Variants in DOCK5 observed in about 807,000 individuals in gnomAD.
The protein encoded by DOCK5 is dedicator of cytokinesis protein 5.
Under a neutral mutation model 251.8 loss-of-function variants are expected in DOCK5, and 142 were observed. The ratio of observed to expected loss-of-function variants is 0.56; its 90% confidence interval spans 0.49 to 0.65. The LOEUF is 0.65. Ranked by LOEUF, DOCK5 falls within the 30% of genes least tolerant of loss-of-function variation. The pLI is 0.00. For missense variants in DOCK5, 2,111 were observed against 2,312.3 expected (o/e 0.91, Z 1.79); for synonymous variants, 842 against 835.5 (o/e 1.01, Z -0.13).
At chr8:25,243,494 C>A (rs1446733076) in intron 1 of DOCK5, among the ~76,000 whole-genome samples, 180 bp from the exon 2 acceptor site, 1 of 152,054 alleles carries the variant, frequency 6.6e-6, no homozygotes, top group African/African-American at 2.4e-5. Flanking sequence ...CTACGCCCAG[C>A]TGATTTTTGT....
chr8:25,319,587 CA>C lies in DOCK5; in HGVS notation c.1454del (p.His485ProfsTer15). 6.3e-7 allele frequency: 1 copy of C among 1,577,882 alleles called. No individual in the cohort carries two copies. The highest frequency in any genetic ancestry group is 8.6e-7 in the Non-Finnish European group (1 of 1,161,036). ...TTCCTTCCATCTGAAGAAAGCAATT[CA>C]CCCTGGTGCTGGATATGAAGGCATT... Reference protein sequence around the residue: ...EEGKLLEKAIHPGAGYEGISE... With the variant: ...EEGKLLEKAIXPGAGYEGISE... On this transcript the variant is annotated frameshift_variant, in exon 15 of 52. Transcript: ENST00000276440. LOFTEE classifies it high-confidence loss of function.
intron 3 of DOCK5, among the ~76,000 whole-genome samples, chr8:25,269,307 CAA>C (rs1200423556): frequency 1.3e-5 from 2 of 152,078 alleles, no homozygotes; most frequent in Admixed American, 6.6e-5. Context: ...ATTGGATAAA[CAA>C]GAGTGGTTTT....
chr8:25,246,307 C>T (rs1409269957), intron 2 of DOCK5, among the ~76,000 whole-genome samples: 1 of 152,094 alleles, frequency 6.6e-6, no homozygotes, highest in Non-Finnish European at 1.5e-5. Context: ...CAGAGTCTTG[C>T]TCTGTCGCCC....
chr8:25,248,730 C>A (rs1362363252), intron 2 of DOCK5, among the ~76,000 whole-genome samples: 1 of 152,162 alleles, frequency 6.6e-6, no homozygotes, highest in East Asian at 1.9e-4. Context: ...AAAGCCTGTT[C>A]CTCCTTCATC....
chr8:25,277,271 G>T, intron 4 of DOCK5: 1 of 153,268 alleles, frequency 6.5e-6, no homozygotes, highest in South Asian at 1.8e-4. Context: ...ATAGTTAAAT[G>T]AGAACAGTCT....
intron 28 of DOCK5, among the ~76,000 whole-genome samples, chr8:25,361,337 T>A (rs915562707): frequency 2.4e-4 from 37 of 152,190 alleles, no homozygotes; most frequent in Non-Finnish European, 7.3e-5. Flanking sequence ...AGGCCGGATG[T>A]GGTGACTCAT....
chr8:25,235,393 T>C (rs1802770457), intron 1 of DOCK5, among the ~76,000 whole-genome samples: 1 of 152,118 alleles, frequency 6.6e-6, no homozygotes, highest in Non-Finnish European at 1.5e-5. Context: ...CTCGGGTAGC[T>C]AGGACCATAG....
rs149602771 is a variant in DOCK5 at position 25,348,557 on chromosome 8, C to T, written c.2754+2946C>T. Among the ~76,000 whole-genome samples the T allele has an allele frequency of 1.1e-3, 171 of 152,178 alleles. 1 individual carries two copies. The highest frequency in any genetic ancestry group is 4.0e-3 in the African/African-American group (166 of 41,522). Reference sequence around the variant, plus strand: ...GTTATGCTTATTTAAATGTATGTCCCAGCTGGGTGCAGTGGCTCAGGCCTG... The same window carrying T: ...GTTATGCTTATTTAAATGTATGTCCTAGCTGGGTGCAGTGGCTCAGGCCTG... On this transcript the variant is annotated intron_variant, in intron 26 of 51. Transcript: ENST00000276440.
intron 1 of DOCK5, among the ~76,000 whole-genome samples, chr8:25,213,637 A>G (rs1444514721): frequency 6.6e-6 from 1 of 152,190 alleles, no homozygotes; most frequent in Non-Finnish European, 1.5e-5. Flanking sequence ...TCAGGGAGGA[A>G]TGAACTTTCT....
intron 18 of DOCK5, among the ~76,000 whole-genome samples, chr8:25,330,622 C>A (rs1259574305): frequency 6.6e-6 from 1 of 152,064 alleles, no homozygotes; most frequent in Non-Finnish European, 1.5e-5. Context: ...CTCTATGTGG[C>A]ATTGGAAGTT....
chr8:25,291,682 CA>C (rs5890216), intron 5 of DOCK5, among the ~76,000 whole-genome samples: 79 of 118,302 alleles, frequency 6.7e-4, no homozygotes, highest in African/African-American at 2.2e-3. Context: ...GACTCCGTCT[CA>C]AAAAAAAAAA....
At chr8:25,256,885 C>G (rs1803434354) in intron 2 of DOCK5, among the ~76,000 whole-genome samples, 1 of 149,614 alleles carries the variant, frequency 6.7e-6, no homozygotes, top group Non-Finnish European at 1.5e-5. Flanking sequence ...ATTGTTTCTT[C>G]TTGACTTTTT....
At chr8:25,205,868 T>C (rs1215496854) in intron 1 of DOCK5, among the ~76,000 whole-genome samples, 3 of 152,320 alleles carry the variant, frequency 2.0e-5, no homozygotes, top group South Asian at 2.1e-4. Context: ...GATAATGCCA[T>C]TGCACACTTA....
intron 3 of DOCK5, among the ~76,000 whole-genome samples, chr8:25,273,182 G>A (rs1442813395): frequency 6.6e-6 from 1 of 152,102 alleles, no homozygotes; most frequent in Non-Finnish European, 1.5e-5. Flanking sequence ...AGGCCCCAGA[G>A]GAATCACACG....
chr8:25,391,646 TAAATAAATAA>T (rs1307496376), intron 42 of DOCK5, among the ~76,000 whole-genome samples: 2 of 151,840 alleles, frequency 1.3e-5, no homozygotes, highest in Admixed American at 6.6e-5. Context: ...TCAAAGTAGA[TAAATAAATAA>T]AAATAAATAA....
At chr8:25,299,669 A>C (rs1269323716) in intron 8 of DOCK5, among the ~76,000 whole-genome samples, 1 of 152,176 alleles carries the variant, frequency 6.6e-6, no homozygotes, top group East Asian at 1.9e-4. Context: ...TTTTCAGCTC[A>C]ACTTTGCTGC....
intron 11 of DOCK5, 177 bp from the exon 12 acceptor site, chr8:25,308,606 G>A: frequency 1.3e-6 from 1 of 750,548 alleles, no homozygotes; most frequent in South Asian, 2.5e-5. Flanking sequence ...CATTTCCAAG[G>A]TGAATTTAGT....
At chr8:25,312,659 A>T (rs1447901234) in intron 13 of DOCK5, among the ~76,000 whole-genome samples, 1 of 150,410 alleles carries the variant, frequency 6.6e-6, no homozygotes, top group Non-Finnish European at 1.5e-5. Flanking sequence ...GTTACTCAGG[A>T]GGCTGAGGCA....
intron 26 of DOCK5, among the ~76,000 whole-genome samples, chr8:25,348,837 C>CAAA (rs574264117): frequency 8.6e-6 from 1 of 115,848 alleles, no homozygotes; most frequent in East Asian, 2.5e-4. Context: ...GACTCTGTCT[C>CAAA]AAAAAAAAAA....
Sources: allele counts gnomAD v4.1 joint callset (sites outside exome capture counted in the v4.1 genomes callset), GRCh38; gene constraint gnomAD v4.1.1; transcripts MANE v1.5; gene names NCBI Gene and HGNC (gene_info 2026-07-23, HGNC 2026-07-21).